Variants in FSTL4 observed in about 807,000 individuals in gnomAD.
The protein encoded by FSTL4 is follistatin-related protein 4.
In FSTL4, 28 loss-of-function variants were observed where a neutral mutation model predicts 78.2. The ratio of observed to expected loss-of-function variants is 0.36; its 90% CI spans 0.27 to 0.49. The LOEUF is 0.49. FSTL4 is among the 20% of genes least tolerant of loss of function. FSTL4 has a pLI of 0.98. For missense variants in FSTL4, 922 were observed against 1,084.9 expected (o/e 0.85, Z 2.11); for synonymous variants, 422 against 440.5 (o/e 0.96, Z 0.53).
the FSTL4 span, among the ~76,000 whole-genome samples, chr5:133,701,016 A>T: frequency 6.6e-6 from 1 of 152,186 alleles, no homozygotes; most frequent in Admixed American, 6.5e-5. Flanking sequence ...TTTTGTGTAG[A>T]TAAGAAATGA....
At chr5:133,333,098 C>T (rs912531019) in intron 4 of FSTL4, among the ~76,000 whole-genome samples, 2 of 152,186 alleles carry the variant, frequency 1.3e-5, no homozygotes, top group Non-Finnish European at 2.9e-5. Flanking sequence ...GGGTGTGCAT[C>T]CCAGTGACAC....
intron 8 of FSTL4, among the ~76,000 whole-genome samples, chr5:133,228,378 A>G (rs960736727): frequency 1.5e-4 from 23 of 152,376 alleles, no homozygotes; most frequent in Admixed American, 1.2e-3. Context: ...TTAAGGAATG[A>G]ATAATCCCTA....
the FSTL4 span, among the ~76,000 whole-genome samples, chr5:133,724,169 G>A: frequency 2.0e-5 from 3 of 152,210 alleles, no homozygotes; most frequent in South Asian, 4.1e-4. Context: ...CTCAGCATGT[G>A]GCCTTGGGAG....
chr5:133,312,066 A>T (rs1021562494), intron 6 of FSTL4, among the ~76,000 whole-genome samples: 1 of 152,174 alleles, frequency 6.6e-6, no homozygotes, highest in Non-Finnish European at 1.5e-5. Flanking sequence ...TCCTGAAGGC[A>T]TCCCATCCAC....
chr5:133,207,163 ACTT>A (rs755863679), intron 14 of FSTL4, among the ~76,000 whole-genome samples: 86 of 152,232 alleles, frequency 5.6e-4, no homozygotes, highest in East Asian at 5.8e-4. Flanking sequence ...ATTAAACCAA[ACTT>A]CTTGTTTATA....
intron 4 of FSTL4, among the ~76,000 whole-genome samples, chr5:133,398,709 A>T (rs1305415784): frequency 6.6e-6 from 1 of 152,124 alleles, no homozygotes; most frequent in Non-Finnish European, 1.5e-5. Flanking sequence ...TACTGCCATT[A>T]GTCCCATTTT....
At chr5:133,649,537 G>C in the FSTL4 span, among the ~76,000 whole-genome samples, 1 of 152,060 alleles carries the variant, frequency 6.6e-6, no homozygotes, top group Non-Finnish European at 1.5e-5. Flanking sequence ...CAGCGTACTG[G>C]GTTTTGACCA....
chr5:133,609,096 A>G (rs1761035088), intron 1 of FSTL4, among the ~76,000 whole-genome samples: 1 of 152,204 alleles, frequency 6.6e-6, no homozygotes, highest in Non-Finnish European at 1.5e-5. Flanking sequence ...TAACTTTACC[A>G]GACTAGCCAT....
At chr5:133,572,112 A>T (rs1760167905) in intron 2 of FSTL4, among the ~76,000 whole-genome samples, 1 of 152,238 alleles carries the variant, frequency 6.6e-6, no homozygotes, top group Non-Finnish European at 1.5e-5. Flanking sequence ...AAATAGTTGA[A>T]TATTCAAAGA....
chr5:133,314,996 T>C (rs971205486), intron 5 of FSTL4, among the ~76,000 whole-genome samples: 3 of 152,012 alleles, frequency 2.0e-5, no homozygotes, highest in Non-Finnish European at 4.4e-5. Context: ...ACCATATCTC[T>C]ACTAAAAATG....
the FSTL4 span, among the ~76,000 whole-genome samples, chr5:133,766,811 A>G: frequency 6.6e-6 from 1 of 152,218 alleles, no homozygotes; most frequent in African/African-American, 2.4e-5. Flanking sequence ...CCAACAAACA[A>G]TATAATGTAG....
intron 3 of FSTL4, among the ~76,000 whole-genome samples, chr5:133,473,069 G>A (rs1757857151): frequency 6.6e-6 from 1 of 152,262 alleles, no homozygotes; most frequent in Middle Eastern, 3.4e-3. Flanking sequence ...GTTCTGACAC[G>A]CCTTCCCCTC....
At position 133,400,883 on chromosome 5, in the gene FSTL4, C is replaced by T. The variant is rs766596334; in HGVS notation, c.264G>A (p.Gln88=). The change falls in exon 4 of 16, where the codon CAG becomes CAA. Residue 88 remains glutamine (Q), a synonymous_variant. Transcript: ENST00000265342. ...LSRKTGEPEC[Q]CLEACRPSYV... is the part of the protein sequence containing the mutation. ...AGCTGGGCCTGCATGCCTCCAGGCA[C>T]TGGCATTCGGGCTCCCCTGTCTTCC... The T allele has an allele frequency of 3.0e-5, 48 of 1,613,940 alleles. No individual in the cohort carries two copies. The highest frequency in any genetic ancestry group is 1.6e-4 in the Middle Eastern group (1 of 6,062).
At chr5:133,578,380 C>T (rs1760329939) in intron 2 of FSTL4, among the ~76,000 whole-genome samples, 1 of 152,178 alleles carries the variant, frequency 6.6e-6, no homozygotes, top group African/African-American at 2.4e-5. Context: ...CCAGTTTGCC[C>T]ATCTGTAAAA....
chr5:133,600,630 C>A (rs966200468), intron 2 of FSTL4, among the ~76,000 whole-genome samples: 1 of 152,214 alleles, frequency 6.6e-6, no homozygotes, highest in East Asian at 1.9e-4. Context: ...AGTCTTTGTA[C>A]ATAAAACAAT....
At chr5:133,666,610 C>T in the FSTL4 span, among the ~76,000 whole-genome samples, 2 of 152,162 alleles carry the variant, frequency 1.3e-5, no homozygotes, top group East Asian at 1.9e-4. Context: ...TTTCCAGAAC[C>T]CTGGTGGCTT....
intron 4 of FSTL4, among the ~76,000 whole-genome samples, chr5:133,384,393 C>G (rs1451200493): frequency 3.3e-5 from 5 of 152,216 alleles, no homozygotes; most frequent in Admixed American, 3.3e-4. Context: ...CAGGGCCCAG[C>G]CCAAATGGGA....
At chr5:133,487,055 C>A (rs1580740380) in intron 3 of FSTL4, among the ~76,000 whole-genome samples, 1 of 152,174 alleles carries the variant, frequency 6.6e-6, no homozygotes, top group East Asian at 1.9e-4. Flanking sequence ...TTACCCTTGC[C>A]AGCAGCTGTA....
chr5:133,449,607 A>G (rs1462511189), intron 3 of FSTL4, among the ~76,000 whole-genome samples: 1 of 152,132 alleles, frequency 6.6e-6, no homozygotes, highest in African/African-American at 2.4e-5. Context: ...GGCGGATTAC[A>G]GGGAGAGCCT....
Sources: allele counts gnomAD v4.1 joint callset (sites outside exome capture counted in the v4.1 genomes callset), GRCh38; gene constraint gnomAD v4.1.1; transcripts MANE v1.5; gene names NCBI Gene and HGNC (gene_info 2026-07-23, HGNC 2026-07-21).